The following SPIDR variants were observed in gnomAD, a reference collection of about 807,000 sequenced individuals.
SPIDR encodes DNA repair-scaffolding protein.
A neutral mutation model predicts 104.6 loss-of-function variants in SPIDR; 93 were observed. The ratio of observed to expected loss-of-function variants is 0.89; its 90% CI spans 0.75 to 1.06. The LOEUF (loss-of-function observed/expected upper bound fraction) is 1.06, where lower values mean the gene tolerates loss of function less well. Ranked by LOEUF, SPIDR falls within the 50% of genes least tolerant of loss-of-function variation. The pLI is 0.00. For missense variants in SPIDR, 1,154 were observed against 1,111.2 expected (o/e 1.04, Z -0.55); for synonymous variants, 431 against 416.9 (o/e 1.03, Z -0.41).
chr8:47,734,993 C>T (rs35846425), intron 19 of SPIDR, among the ~76,000 whole-genome samples: 327 of 152,262 alleles, frequency 2.1e-3, no homozygotes, highest in South Asian at 5.4e-3. Flanking sequence ...TGCCCAGCCC[C>T]GGCCTTCCCA....
At chr8:47,297,813 T>C (rs1355488544) in intron 5 of SPIDR, among the ~76,000 whole-genome samples, 2 of 152,230 alleles carry the variant, frequency 1.3e-5, no homozygotes, top group Admixed American at 6.5e-5. Context: ...CTGCATAGTA[T>C]TCCATGGTGA....
chr8:47,467,172 T>A (rs547665380), intron 8 of SPIDR, among the ~76,000 whole-genome samples: 1 of 151,966 alleles, frequency 6.6e-6, no homozygotes, highest in Non-Finnish European at 1.5e-5. Context: ...AGGAAGAAAT[T>A]GAATTTTTGA....
chr8:47,266,996 A>C (rs1362215839), intron 1 of SPIDR, among the ~76,000 whole-genome samples: 1 of 152,170 alleles, frequency 6.6e-6, no homozygotes, highest in Non-Finnish European at 1.5e-5. Context: ...TCATTTTGTG[A>C]CTGGCTTCTT....
At chr8:47,692,861 T>G (rs375960037) in intron 11 of SPIDR, among the ~76,000 whole-genome samples, 1 of 152,364 alleles carries the variant, frequency 6.6e-6, no homozygotes, top group Non-Finnish European at 1.5e-5. Context: ...CTGGGTACCT[T>G]GAATAATCCT....
chr8:47,264,710 A>G (rs1222768257), intron 1 of SPIDR, among the ~76,000 whole-genome samples: 3 of 151,880 alleles, frequency 2.0e-5, no homozygotes, highest in African/African-American at 4.8e-5. Context: ...GCTCACTGCA[A>G]CCACTGTCTC....
chr8:47,728,367 G>T (rs1157868289), intron 17 of SPIDR, among the ~76,000 whole-genome samples: 1 of 150,130 alleles, frequency 6.7e-6, no homozygotes, highest in African/African-American at 2.5e-5. Flanking sequence ...CCAGGGGGAG[G>T]TGGAGGTTGC....
intron 10 of SPIDR, among the ~76,000 whole-genome samples, chr8:47,661,323 T>A (rs1325558247): frequency 6.6e-6 from 1 of 152,156 alleles, no homozygotes. Flanking sequence ...CAGCATCCCC[T>A]CACACCAGGT....
chr8:47,384,377 C>T (rs1241600811), intron 5 of SPIDR, among the ~76,000 whole-genome samples: 6 of 152,098 alleles, frequency 3.9e-5, no homozygotes, highest in Non-Finnish European at 5.9e-5. Context: ...TTTTGTGTTA[C>T]GTAAGACTGA....
intron 1 of SPIDR, among the ~76,000 whole-genome samples, chr8:47,270,114 G>A (rs1025951627): frequency 3.3e-5 from 5 of 152,212 alleles, no homozygotes; most frequent in East Asian, 1.9e-4. Context: ...TCTGTGCTTC[G>A]TTGTTATGTT....
intron 5 of SPIDR, among the ~76,000 whole-genome samples, chr8:47,314,767 G>A (rs918756321): frequency 5.9e-5 from 9 of 152,110 alleles, no homozygotes; most frequent in African/African-American, 1.7e-4. Flanking sequence ...AAAACAAATA[G>A]CAAACTTACA....
intron 8 of SPIDR, among the ~76,000 whole-genome samples, chr8:47,580,862 TAAA>T (rs780434501): frequency 6.6e-6 from 1 of 152,004 alleles, no homozygotes; most frequent in Non-Finnish European, 1.5e-5. Flanking sequence ...AAGTACCTAA[TAAA>T]AAAGAAAGGC....
chr8:47,732,292 A>T, intron 19 of SPIDR: 2 of 678,888 alleles, frequency 2.9e-6, no homozygotes, highest in Non-Finnish European at 5.4e-6. Context: ...ACCTGAGTGC[A>T]CGTGTGTGCA....
intron 10 of SPIDR, among the ~76,000 whole-genome samples, chr8:47,604,089 T>C (rs1055614734): frequency 6.6e-6 from 1 of 152,172 alleles, no homozygotes; most frequent in African/African-American, 2.4e-5. Flanking sequence ...CAAAATACTT[T>C]ACAACAAATG....
chr8:47,490,072 A>C (rs1291837056), intron 8 of SPIDR, among the ~76,000 whole-genome samples: 3 of 152,238 alleles, frequency 2.0e-5, no homozygotes, highest in African/African-American at 7.2e-5. Flanking sequence ...GGCAACCTAC[A>C]GAATGGGAGA....
chr8:47,692,965 C>T (rs189345008), intron 11 of SPIDR, among the ~76,000 whole-genome samples: 3 of 152,310 alleles, frequency 2.0e-5, no homozygotes, highest in East Asian at 1.9e-4. Context: ...ATTGCTGCCA[C>T]GCAGCTTTCC....
rs2085296903 is a variant in SPIDR at position 47,731,839 on chromosome 8, A to G, written c.2604+2374A>G. The stretch of plus-strand genomic sequence containing the variant: ...CCAGGTAGAAGTTTGAGTAGGTGCT[A>G]AAGGTGGCAGATCTGAGTTTTCAGG... On this transcript the variant is annotated intron_variant, in intron 19 of 19. Coordinates refer to ENST00000297423, the MANE Select transcript of SPIDR (RefSeq NM_001080394.4). Among the ~76,000 whole-genome samples, 3 of 152,246 alleles carry G rather than the reference A, an allele frequency of 2.0e-5. No homozygotes were observed. In the South Asian group the frequency reaches 6.2e-4, roughly 31 times the overall value.
At chr8:47,371,532 A>G (rs797042606) in intron 5 of SPIDR, among the ~76,000 whole-genome samples, 1 of 152,148 alleles carries the variant, frequency 6.6e-6, no homozygotes, top group African/African-American at 2.4e-5. Context: ...ATATGCTCAC[A>G]TGGCAGAAAG....
At chr8:47,412,354 C>CA (rs1213459162) in intron 7 of SPIDR, among the ~76,000 whole-genome samples, 1 of 152,018 alleles carries the variant, frequency 6.6e-6, no homozygotes, top group Non-Finnish European at 1.5e-5. Flanking sequence ...GGCTTAGACA[C>CA]AAAAAAAGAA....
intron 8 of SPIDR, among the ~76,000 whole-genome samples, chr8:47,488,434 C>CTGG (rs1453472941): frequency 1.1e-4 from 16 of 152,200 alleles, no homozygotes; most frequent in African/African-American, 3.6e-4. Context: ...CAAGGAGGAG[C>CTGG]TGGTACCATT....
Sources: allele counts gnomAD v4.1 joint callset (sites outside exome capture counted in the v4.1 genomes callset), GRCh38; gene constraint gnomAD v4.1.1; transcripts MANE v1.5; gene names NCBI Gene and HGNC (gene_info 2026-07-23, HGNC 2026-07-21).